Variants in DGLUCY observed in about 807,000 individuals in gnomAD.
DGLUCY encodes D-glutamate cyclase.
DGLUCY carries 58 observed loss-of-function variants against 58.5 expected under a neutral mutation model. That is an observed-to-expected ratio of 0.99 (90% confidence interval 0.80 to 1.23). The LOEUF (loss-of-function observed/expected upper bound fraction) is 1.23. Ranked by LOEUF, DGLUCY falls within the 50% of genes most tolerant of loss-of-function variation. DGLUCY has a pLI of 0.00. For synonymous variants in DGLUCY, 325 were observed against 314.1 expected, an observed-to-expected ratio of 1.03 and a Z score of -0.37; for missense variants, 779 against 784.7, an observed-to-expected ratio of 0.99 and a Z score of 0.09.
chr14:91,122,602 G>GTTTTTTTTTT lies in DGLUCY; in HGVS notation c.-82+8328_-82+8337dup, dbSNP rs60627604. On this transcript the variant is annotated intron_variant, in intron 1 of 13. Transcript: ENST00000256324. ...ATTTTAACTATAATAAAAGAAAAAA[G>GTTTTTTTTTT]TTTTTTTTTTTTTTTTTTGAGATAG... Among the ~76,000 whole-genome samples the GTTTTTTTTTT allele has an allele frequency of 3.4e-4, 36 of 104,774 alleles. 1 individual carries two copies. The highest frequency in any genetic ancestry group is 7.6e-4 in the Admixed American group (6 of 7,846). 68.7% of individuals were successfully genotyped at this position (104,774 alleles called of 152,430 possible).
intron 1 of DGLUCY, among the ~76,000 whole-genome samples, chr14:91,157,235 A>ATGGG (rs1566971890): frequency 1.7e-4 from 19 of 109,432 alleles, no homozygotes; most frequent in African/African-American, 6.6e-4. Flanking sequence ...GGATGGGTGG[A>ATGGG]TGGATGGATG....
rs190247926 is a variant in DGLUCY, at chr14:91,096,386, C to T, written c.-82+35682C>T. ...GCAGTGAGCCAAGATTGTGCCACTGCACTCCAGCCTGGGTGACAGAGCGAG... is the reference window on the plus strand; with the variant it reads ...GCAGTGAGCCAAGATTGTGCCACTGTACTCCAGCCTGGGTGACAGAGCGAG... On this transcript the variant is annotated intron_variant, in intron 1 of 4. Coordinates refer to the DGLUCY transcript ENST00000521334. Among the ~76,000 whole-genome samples the T allele has an allele frequency of 4.8e-3, 722 of 150,314 alleles. 8 individuals are homozygous for T. Among genetic ancestry groups the T allele is most frequent in the Middle Eastern group, 0.01 (3 of 292 alleles).
At chr14:91,169,591 G>A (rs2048457780) in intron 4 of DGLUCY, among the ~76,000 whole-genome samples, 1 of 151,830 alleles carries the variant, frequency 6.6e-6, no homozygotes, top group African/African-American at 2.4e-5. Context: ...TGTATTTTTA[G>A]TATAGACGGG....
At chr14:91,102,786 T>TGTGTGTGTGTGTGTGTGTGTGTGTG (rs59480792) in intron 1 of DGLUCY, among the ~76,000 whole-genome samples, 6 of 149,914 alleles carry the variant, frequency 4.0e-5, no homozygotes, top group African/African-American at 7.4e-5. Context: ...TGTGTGTGTG[T>TGTGTGTGTGTGTGTGTGTGTGTGTG]TTGAGACTGA....
At chr14:91,191,625 C>G (rs376059587) in intron 9 of DGLUCY, among the ~76,000 whole-genome samples, 9 of 152,276 alleles carry the variant, frequency 5.9e-5, no homozygotes, top group African/African-American at 2.2e-4. Context: ...AAGAGACCAT[C>G]TGCACCCAAG....
chr14:91,172,781 G>T (rs2048639232), intron 5 of DGLUCY, among the ~76,000 whole-genome samples: 1 of 152,040 alleles, frequency 6.6e-6, no homozygotes, highest in African/African-American at 2.4e-5. Flanking sequence ...CGAGTAGCTG[G>T]GACTAGAGGC....
intron 1 of DGLUCY, among the ~76,000 whole-genome samples, chr14:91,066,667 A>T (rs2043827609): frequency 6.6e-6 from 1 of 152,218 alleles, no homozygotes; most frequent in Non-Finnish European, 1.5e-5. Flanking sequence ...ACTTGCCATA[A>T]ACAGGAAGCA....
At chr14:91,218,451 G>A (rs1886925946) in intron 13 of DGLUCY, among the ~76,000 whole-genome samples, 1 of 151,032 alleles carries the variant, frequency 6.6e-6, no homozygotes, top group African/African-American at 2.4e-5. Context: ...TTACCAGGCT[G>A]GAGTGCAGTG....
chr14:91,119,317 C>G (rs780261569), intron 1 of DGLUCY, among the ~76,000 whole-genome samples: 5 of 152,078 alleles, frequency 3.3e-5, no homozygotes, highest in Non-Finnish European at 7.3e-5. Context: ...CAGCTCCCTT[C>G]TAAATGATAT....
chr14:91,112,996 T>TAA (rs10715930), upstream of DGLUCY, among the ~76,000 whole-genome samples: 5 of 70,182 alleles, frequency 7.1e-5, no homozygotes, highest in Admixed American at 3.2e-4. Flanking sequence ...AGACTACATC[T>TAA]AAAAAAAAAA....
intron 11 of DGLUCY, 32 bp downstream of exon 11, chr14:91,199,937 A>G (rs1254538816): frequency 3.7e-6 from 6 of 1,612,836 alleles, no homozygotes; most frequent in Non-Finnish European, 5.1e-6. Flanking sequence ...TGCACCAAGA[A>G]CGTGGCCCCA....
intron 13 of DGLUCY, among the ~76,000 whole-genome samples, chr14:91,224,364 A>G (rs1264743875): frequency 6.6e-6 from 1 of 152,196 alleles, no homozygotes; most frequent in East Asian, 1.9e-4. Context: ...CCCATCTCTA[A>G]AAACGGACAA....
At chr14:91,176,652 T>C (rs1398626810) in intron 7 of DGLUCY, among the ~76,000 whole-genome samples, 1 of 152,212 alleles carries the variant, frequency 6.6e-6, no homozygotes, top group Non-Finnish European at 1.5e-5. Flanking sequence ...CAGGCTGGAG[T>C]GCAGTGGCAC....
intron 9 of DGLUCY, among the ~76,000 whole-genome samples, chr14:91,191,695 G>A (rs149275019): frequency 2.6e-5 from 4 of 152,170 alleles, no homozygotes; most frequent in Admixed American, 6.5e-5. Context: ...CAGAGGGCAG[G>A]GGGTATTGTG....
intron 1 of DGLUCY, among the ~76,000 whole-genome samples, chr14:91,098,623 C>CT (rs1413041312): frequency 1.3e-5 from 2 of 152,172 alleles, no homozygotes; most frequent in African/African-American, 4.8e-5. Context: ...CTCCCACAAG[C>CT]TTGTGTGAGC....
At chr14:91,086,320 C>G (rs940189613) in intron 1 of DGLUCY, among the ~76,000 whole-genome samples, 3 of 152,136 alleles carry the variant, frequency 2.0e-5, no homozygotes, top group Admixed American at 6.5e-5. Flanking sequence ...AAACCATCCC[C>G]GACCCCCTGC....
At chr14:91,085,592 C>A (rs559378027) in intron 1 of DGLUCY, among the ~76,000 whole-genome samples, 1 of 145,520 alleles carries the variant, frequency 6.9e-6, no homozygotes, top group African/African-American at 2.6e-5. Flanking sequence ...ATGTGTGTGA[C>A]GGAGTCTCAC....
chr14:91,154,392 T>G (rs1242477167), intron 1 of DGLUCY, among the ~76,000 whole-genome samples: 1 of 152,204 alleles, frequency 6.6e-6, no homozygotes, highest in South Asian at 2.1e-4. Flanking sequence ...CAATCAGATA[T>G]GCATTTGTCT....
upstream of DGLUCY, among the ~76,000 whole-genome samples, chr14:91,104,962 T>C (rs2044564124): frequency 6.6e-6 from 1 of 152,268 alleles, no homozygotes; most frequent in African/African-American, 2.4e-5. Context: ...GTGCATCTTA[T>C]GACGCAGAGT....
Sources: allele counts gnomAD v4.1 joint callset (sites outside exome capture counted in the v4.1 genomes callset), GRCh38; gene constraint gnomAD v4.1.1; transcripts MANE v1.5; gene names NCBI Gene and HGNC (gene_info 2026-07-23, HGNC 2026-07-21).